Variants in LRRC37B observed in about 807,000 individuals in gnomAD.
LRRC37B encodes leucine rich repeat containing 37B.
LRRC37B carries 28 observed loss-of-function variants against 98.3 expected under a neutral mutation model. The ratio of observed to expected loss-of-function variants is 0.28; its 90% confidence interval spans 0.21 to 0.39. LRRC37B has a LOEUF of 0.39. Ranked by LOEUF, LRRC37B falls within the 10% of genes least tolerant of loss-of-function variation. The pLI is 1.00. For synonymous variants in LRRC37B, 364 were observed against 442.7 expected (o/e 0.82, Z 2.23); for missense variants, 938 against 1,182.7 (o/e 0.79, Z 3.03).
At chr17:32,033,778 T>C (rs1219010115) in intron 5 of LRRC37B, among the ~76,000 whole-genome samples, 1 of 152,224 alleles carries the variant, frequency 6.6e-6, no homozygotes, top group African/African-American at 2.4e-5. Flanking sequence ...CTTGTTCACT[T>C]TAAAGAATTA....
chr17:32,041,966 G>A (rs1041448993), intron 7 of LRRC37B: 2 of 374,566 alleles, frequency 5.3e-6, no homozygotes, highest in African/African-American at 4.2e-5. Flanking sequence ...GTCCCTGTGG[G>A]GTGGCTCAGA....
At chr17:32,039,502 A>G (rs1407559355) in intron 7 of LRRC37B, among the ~76,000 whole-genome samples, 2 of 57,140 alleles carry the variant, frequency 3.5e-5, no homozygotes, top group Admixed American at 2.3e-4. Flanking sequence ...ATATATATAT[A>G]TATATATATA....
chr17:32,050,712 C>A (rs1911729644), intron 11 of LRRC37B: 1 of 151,924 alleles, frequency 6.6e-6, no homozygotes, highest in African/African-American at 2.4e-5. Context: ...CCCTCCTGAG[C>A]CTAGGCCCTC....
At chr17:32,053,409 G>A in exon 12 of LRRC37B, 1 of 938,856 alleles carries the variant, frequency 1.1e-6, no homozygotes, top group Non-Finnish European at 1.6e-6. Context: ...TTAAATCAAT[G>A]AAAACTTTCT....
upstream of LRRC37B, among the ~76,000 whole-genome samples, chr17:32,007,544 C>T (rs1453047562): frequency 6.6e-6 from 1 of 152,024 alleles, no homozygotes; most frequent in East Asian, 1.9e-4. This position sits in a 1 kb window ranked among gnomAD's most constrained non-coding sequence, Gnocchi z 4.1. Context: ...GCGCTCCCCA[C>T]CGCCGCCACT....
intron 7 of LRRC37B, chr17:32,041,505 G>A (rs1243973868): frequency 1.7e-6 from 1 of 577,880 alleles, no homozygotes; most frequent in East Asian, 4.0e-5. Flanking sequence ...CTACATGGAC[G>A]TGCTCATGCC....
intron 5 of LRRC37B, 114 bp downstream of exon 8, chr17:32,031,572 A>T: frequency 7.7e-7 from 1 of 1,292,106 alleles, no homozygotes; most frequent in Non-Finnish European, 1.0e-6. Flanking sequence ...GTGTCTTAAG[A>T]TCCATTCGTT....
At chr17:32,007,802 G>T, upstream of LRRC37B, 1 of 1,185,750 alleles carries the variant, frequency 8.4e-7, no homozygotes, top group Admixed American at 4.5e-5. This position sits in a 1 kb window ranked among gnomAD's most constrained non-coding sequence, Gnocchi z 4.1. Context: ...GCTCGCCCAG[G>T]GTGGGCAGCA....
At chr17:32,019,214 G>T (rs547726644), upstream of LRRC37B, among the ~76,000 whole-genome samples, 1 of 152,092 alleles carries the variant, frequency 6.6e-6, no homozygotes, top group Non-Finnish European at 1.5e-5. Flanking sequence ...GGTGCGAGCC[G>T]CTGCGCCTGG....
chr17:32,024,589 A>G, intron 1 of LRRC37B, 122 bp from the exon 5 acceptor site: 1 of 1,554,658 alleles, frequency 6.4e-7, no homozygotes, highest in Non-Finnish European at 8.8e-7. Flanking sequence ...AGCTCTGGAA[A>G]TGAGAAAGCA....
chr17:32,021,108 A>G (rs1910757713), exon 1 of LRRC37B: 1 of 1,614,008 alleles, frequency 6.2e-7, no homozygotes, highest in African/African-American at 1.3e-5. Flanking sequence ...CAGGGCTGCC[A>G]GAATGGCTTT....
At chr17:32,027,319 G>T (rs1293900280) in intron 2 of LRRC37B, among the ~76,000 whole-genome samples, 1 of 152,028 alleles carries the variant, frequency 6.6e-6, no homozygotes, top group Non-Finnish European at 1.5e-5. Context: ...CAGTGTGCTT[G>T]TGTGTGTGTG....
chr17:32,038,689 C>A (rs1474729159), intron 7 of LRRC37B, among the ~76,000 whole-genome samples: 4 of 152,052 alleles, frequency 2.6e-5, no homozygotes, highest in Admixed American at 2.0e-4. Flanking sequence ...AAACCCCAAT[C>A]TCCACTAAAA....
At chr17:32,040,865 T>A (rs577039300) in intron 7 of LRRC37B, 4 of 840,354 alleles carry the variant, frequency 4.8e-6, no homozygotes, top group African/African-American at 1.7e-5. Flanking sequence ...AGAACCTGTG[T>A]GAGAAAGACC....
chr17:32,014,972 A>G (rs1361676476), intron 1 of LRRC37B, among the ~76,000 whole-genome samples: 4 of 152,112 alleles, frequency 2.6e-5, no homozygotes. Flanking sequence ...TCTCTACAAA[A>G]AATATAAAAA....
chr17:32,026,362 G>A (rs867323903), intron 2 of LRRC37B, among the ~76,000 whole-genome samples: 12 of 152,128 alleles, frequency 7.9e-5, no homozygotes, highest in African/African-American at 2.2e-4. Context: ...TGAAAATACA[G>A]AAATTAGCCA....
At chr17:32,024,240 G>T (rs936639926) in intron 1 of LRRC37B, among the ~76,000 whole-genome samples, 9 of 152,204 alleles carry the variant, frequency 5.9e-5, no homozygotes, top group Admixed American at 3.9e-4. Context: ...AATCAGATCA[G>T]TTGTAATAAG....
chr17:32,038,076 G>C (rs1344720121), intron 7 of LRRC37B, among the ~76,000 whole-genome samples: 1 of 151,900 alleles, frequency 6.6e-6, no homozygotes, highest in Non-Finnish European at 1.5e-5. Context: ...GCAGTGAGCA[G>C]AGATCACGCC....
intron 2 of LRRC37B, among the ~76,000 whole-genome samples, chr17:32,026,378 G>C (rs1477979595): frequency 6.6e-6 from 1 of 152,196 alleles, no homozygotes; most frequent in African/African-American, 2.4e-5. Context: ...AGCCAGGCAT[G>C]GTGGTGGGTG....
Sources: allele counts gnomAD v4.1 joint callset (sites outside exome capture counted in the v4.1 genomes callset), GRCh38; gene constraint gnomAD v4.1.1; non-coding constraint Gnocchi (gnomAD v3.1); transcripts MANE v1.5; gene names NCBI Gene and HGNC (gene_info 2026-07-23, HGNC 2026-07-21).